Variants in ZNF207 observed in about 807,000 individuals in gnomAD.
The protein encoded by ZNF207 is BUB3-interacting and GLEBS motif-containing protein ZNF207.
Under a neutral mutation model 60.2 loss-of-function variants are expected in ZNF207, and 24 were observed. The observed-to-expected ratio is 0.40, with a 90% CI of 0.29 to 0.56. The LOEUF (loss-of-function observed/expected upper bound fraction) is 0.56. ZNF207 is among the 20% of genes least tolerant of loss of function. ZNF207 has a pLI of 0.49. For synonymous variants in ZNF207, 236 were observed against 194.7 expected, an observed-to-expected ratio of 1.21 and a Z score of -1.77; for missense variants, 452 against 636.6, an observed-to-expected ratio of 0.71 and a Z score of 3.12.
At position 32,376,742 on chromosome 17, in the gene ZNF207, AATGTTT is replaced by A. The variant is rs983173682; in HGVS notation, c.*6996_*7001del. 13 of 152,194 alleles carry A rather than the reference AATGTTT, an allele frequency of 8.5e-5. No homozygotes were observed. Among genetic ancestry groups the A allele is most frequent in the African/African-American group, 1.4e-4 (6 of 41,560 alleles). The allele number at this position is 152,194 out of a possible 1,614,324, so 9.4% of individuals were successfully genotyped here. A position where few individuals can be genotyped will look rare whatever the true frequency, so the allele number is the denominator to read the frequency against. ...TAAGAGGCATACAATCCGTTATGAG[AATGTTT>A]ATGTTTATGTTTTAATTTTTATCAA... On this transcript the variant is annotated 3_prime_UTR_variant, in exon 12 of 12. Transcript: ENST00000394670.
chr17:32,351,682 C>G, intron 1 of ZNF207, 104 bp from the exon 2 acceptor site: 1 of 1,606,540 alleles, frequency 6.2e-7, no homozygotes, highest in Non-Finnish European at 8.5e-7. Context: ...CTATACAGTA[C>G]CATTTTGGTT....
chr17:32,365,370 G>A lies in ZNF207; in HGVS notation c.711G>A (p.Met237Ile), dbSNP rs1713592419. 1.2e-6 allele frequency: 2 copies of A among 1,613,970 alleles called. No individual in the cohort carries two copies. The highest frequency in any genetic ancestry group is 2.7e-5 in the African/African-American group (2 of 75,006). ...PPVPRPGIPP[M>I]TQAQAVSAPG... is the part of the protein sequence containing the mutation. Reference sequence around the variant, plus strand: ...TTCCACGTCCTGGAATTCCTCCAATGACTCAAGCACAGGCTGTTTCAGCGC... The same window carrying A: ...TTCCACGTCCTGGAATTCCTCCAATAACTCAAGCACAGGCTGTTTCAGCGC... Residue 237 changes from methionine (M) to isoleucine (I), a missense_variant, in exon 8 of 12, where the codon ATG becomes ATA. By Grantham distance (10) the Met-to-Ile change is conservative. Around this residue, in one of 2 missense-constraint regions of ZNF207, gnomAD observed 390 missense variants for 461.4 expected, o/e 0.85. Transcript: ENST00000394670.
Position 32,373,499 on chromosome 17 carries a change from A to G in ZNF207, c.*3740A>G, listed in dbSNP as rs182511771. The G allele has an allele frequency of 1.6e-4, 79 of 509,274 alleles. 2 individuals are homozygous for G. In the Admixed American group the frequency reaches 2.6e-3, roughly 17 times the overall value. The allele number at this position is 509,274 out of a possible 1,614,324, so 31.5% of individuals were successfully genotyped here. ...TCCTTATAGGGGCTTTCACAGCTTT[A>G]TGGCTGTTGGATATTTATGTCCCCA... is the stretch of plus-strand genomic sequence containing the variant. On this transcript the variant is annotated 3_prime_UTR_variant, in exon 12 of 12. Transcript: ENST00000394670.
At chr17:32,366,602 C>T in intron 8 of ZNF207, 63 bp from the exon 9 acceptor site, 2 of 1,397,012 alleles carry the variant, frequency 1.4e-6, no homozygotes, top group Non-Finnish European at 1.9e-6. Context: ...AAGTCTACCA[C>T]ATGGCTTATT....
Position 32,374,212 on chromosome 17 carries a change from C to CTTTTTTGTTTTTTTTTTTTTTTT in ZNF207, c.*4459_*4460insGTTTTTTTTTTTTTTTTTTTTTT, listed in dbSNP as rs1905587643. ...ACCGCGCCTGGCCAAAATCTGCATTCTTTTTTTTTTTTTTTTTTTTTTTTT... is the reference window on the plus strand; with the variant it reads ...ACCGCGCCTGGCCAAAATCTGCATTCTTTTTTGTTTTTTTTTTTTTTTTTTTTTTTTTTTTTTTTTTTTTTTTT... On this transcript the variant is annotated 3_prime_UTR_variant, in exon 12 of 12. Coordinates refer to ENST00000394670, the MANE Select transcript of ZNF207 (RefSeq NM_001098507.2). 3.0e-5 allele frequency: 2 copies of CTTTTTTGTTTTTTTTTTTTTTTT among 66,224 alleles called. 1 individual carries two copies. The allele number at this position is 66,224 out of a possible 1,614,324, so 4.1% of individuals were successfully genotyped here.
chr17:32,358,236 ATGTT>A (rs1309995238), intron 2 of ZNF207, among the ~76,000 whole-genome samples: 1 of 152,216 alleles, frequency 6.6e-6, no homozygotes, highest in Non-Finnish European at 1.5e-5. Context: ...TGCTTACTGT[ATGTT>A]AGACATCTCG....
intron 2 of ZNF207, among the ~76,000 whole-genome samples, chr17:32,356,945 A>G (rs534707520): frequency 1.6e-4 from 24 of 152,270 alleles, no homozygotes; most frequent in African/African-American, 5.3e-4. Flanking sequence ...ACTTTAGGAC[A>G]CTGAGGTGGG....
Position 32,365,413 on chromosome 17 carries a change from C to T in ZNF207, c.754C>T (p.Pro252Ser). The change falls in exon 8 of 12, where the codon CCA becomes TCA. Residue 252 changes from proline (P) to serine (S), a missense_variant. Physicochemically the swap from Pro to Ser is moderately conservative, Grantham distance 74 (BLOSUM62 -1). Around this residue, in one of 2 missense-constraint regions of ZNF207, gnomAD observed 390 missense variants for 461.4 expected, o/e 0.85. Coordinates refer to ENST00000394670, the MANE Select transcript of ZNF207 (RefSeq NM_001098507.2). Reference protein sequence around the residue: ...AVSAPGILNRPPAPTATVPAP... With the variant: ...AVSAPGILNRSPAPTATVPAP... ...TTCAGCGCCAGGTATTCTTAATAGACCACCTGCACCAACAGCAACTGTACC... is the reference window on the plus strand; with the variant it reads ...TTCAGCGCCAGGTATTCTTAATAGATCACCTGCACCAACAGCAACTGTACC... The T allele has an allele frequency of 6.2e-7, 1 of 1,614,098 alleles. No homozygotes were observed. The highest frequency in any genetic ancestry group is 8.5e-7 in the Non-Finnish European group (1 of 1,180,004).
At chr17:32,364,223 C>T (rs1597784176) in intron 7 of ZNF207, among the ~76,000 whole-genome samples, 1 of 151,994 alleles carries the variant, frequency 6.6e-6, no homozygotes. Context: ...TCTTTAGCTC[C>T]TTACGTATTA....
intron 8 of ZNF207, among the ~76,000 whole-genome samples, chr17:32,365,964 C>T (rs1905143911): frequency 6.6e-6 from 1 of 152,126 alleles, no homozygotes; most frequent in South Asian, 2.1e-4. Context: ...GACCTAGGCA[C>T]ACTGGTATTT....
chr17:32,373,257 T>C lies in ZNF207; in HGVS notation c.*3498T>C. Reference sequence around the variant, plus strand: ...AAGAAGTACGGGCTCAGAGTGGAATTGTAGTGGACAATAGTTAAAAACAAA... The same window carrying C: ...AAGAAGTACGGGCTCAGAGTGGAATCGTAGTGGACAATAGTTAAAAACAAA... On this transcript the variant is annotated 3_prime_UTR_variant, in exon 12 of 12. Coordinates refer to ENST00000394670, the MANE Select transcript of ZNF207 (RefSeq NM_001098507.2). 1 of 480,340 alleles carries C rather than the reference T, an allele frequency of 2.1e-6. No individual in the cohort carries two copies. The highest frequency in any genetic ancestry group is 3.7e-6 in the Non-Finnish European group (1 of 268,878). 29.8% of individuals were successfully genotyped at this position (480,340 alleles called of 1,614,324 possible). A position where few individuals can be genotyped will look rare whatever the true frequency, so the allele number is the denominator to read the frequency against.
At chr17:32,358,384 G>A in intron 2 of ZNF207, 119 bp from the exon 3 acceptor site, 1 of 911,006 alleles carries the variant, frequency 1.1e-6, no homozygotes, top group East Asian at 3.3e-5. Context: ...TGGCAAAACT[G>A]GGAATTGGCT....
At chr17:32,358,861 C>G (rs1904697257) in intron 3 of ZNF207, among the ~76,000 whole-genome samples, 1 of 151,900 alleles carries the variant, frequency 6.6e-6, no homozygotes, top group African/African-American at 2.4e-5. Context: ...GTAGCATGAT[C>G]TCGGCTCATT....
intron 2 of ZNF207, among the ~76,000 whole-genome samples, chr17:32,357,658 A>T (rs1431541089): frequency 6.8e-6 from 1 of 146,536 alleles, no homozygotes; most frequent in Non-Finnish European, 1.5e-5. Flanking sequence ...TTTATTTTTT[A>T]TTTATTTTTT....
At position 32,380,734 on chromosome 17, in the gene ZNF207, A is replaced by T. The variant is rs1045821379; in HGVS notation, c.*10975A>T. 1 of 152,268 alleles carries T rather than the reference A, an allele frequency of 6.6e-6. No individual in the cohort carries two copies. Among genetic ancestry groups the T allele is most frequent in the Non-Finnish European group, 1.5e-5 (1 of 68,098 alleles). 9.4% of individuals were successfully genotyped at this position (152,268 alleles called of 1,614,324 possible). On this transcript the variant is annotated 3_prime_UTR_variant, in exon 12 of 12. Transcript: ENST00000394670. ...GGCTGGGCCCAGCTGAGGCGGGTGG[A>T]TCTCCTGAGGTCAGGAGTTTGAGAC...
rs1905806718 is a variant in ZNF207, at chr17:32,379,643, A to C, written c.*9884A>C. ...TGGTGATTCATGAGCAGTAAGCTGG[A>C]GTTAGAGTGGAAGAAGGGTTTACCA... On this transcript the variant is annotated 3_prime_UTR_variant, in exon 12 of 12. Coordinates refer to ENST00000394670, the MANE Select transcript of ZNF207 (RefSeq NM_001098507.2). The C allele has an allele frequency of 1.3e-5, 2 of 152,060 alleles. No individual in the cohort carries two copies. Among genetic ancestry groups the C allele is most frequent in the South Asian group, 4.1e-4 (2 of 4,832 alleles). The allele number at this position is 152,060 out of a possible 1,614,324, so 9.4% of individuals were successfully genotyped here.
Position 32,370,570 on chromosome 17 carries a change from C to T in ZNF207, c.*811C>T, listed in dbSNP as rs1348851708. The T allele has an allele frequency of 6.6e-6, 1 of 152,226 alleles. No homozygotes were observed. Among genetic ancestry groups the T allele is most frequent in the Admixed American group, 6.5e-5 (1 of 15,288 alleles). 9.4% of individuals were successfully genotyped at this position (152,226 alleles called of 1,614,324 possible). A position where few individuals can be genotyped will look rare whatever the true frequency, so the allele number is the denominator to read the frequency against. On this transcript the variant is annotated 3_prime_UTR_variant, in exon 12 of 12. Coordinates refer to ENST00000394670, the MANE Select transcript of ZNF207 (RefSeq NM_001098507.2). ...TCAGTTAAGAGAAAAACTTAAGATA[C>T]ATGAGTCATTACATAATGGGTATGA...
intron 1 of ZNF207, chr17:32,351,235 C>T (rs1283445326): frequency 5.7e-6 from 1 of 175,654 alleles, no homozygotes; most frequent in Non-Finnish European, 1.2e-5. Flanking sequence ...TTTTATTGAT[C>T]TGTGAATTTA....
chr17:32,360,580 ATTTT>A lies in ZNF207; in HGVS notation c.308-9_308-6del, dbSNP rs371637866. 3.4e-6 allele frequency: 4 copies of A among 1,171,902 alleles called. No homozygotes were observed. The highest frequency in any genetic ancestry group is 2.1e-4 in the Middle Eastern group (1 of 4,744). 72.6% of individuals were successfully genotyped at this position (1,171,902 alleles called of 1,614,324 possible). A position where few individuals can be genotyped will look rare whatever the true frequency, so the allele number is the denominator to read the frequency against. Reference sequence around the variant, plus strand: ...TCTTAGTTTTTACTCTATGGAAATAATTTTTTTTTTTTAACAGAAAGTCAAAAAA... The same window carrying A: ...TCTTAGTTTTTACTCTATGGAAATAATTTTTTTTAACAGAAAGTCAAAAAA... On this transcript the variant is annotated splice_polypyrimidine_tract_variant and intron_variant, in intron 3 of 11. Coordinates refer to ENST00000394670, the MANE Select transcript of ZNF207 (RefSeq NM_001098507.2).
Sources: allele counts gnomAD v4.1 joint callset (sites outside exome capture counted in the v4.1 genomes callset), GRCh38; gene constraint gnomAD v4.1.1; regional missense constraint gnomAD v4.1.1; transcripts MANE v1.5; gene names NCBI Gene and HGNC (gene_info 2026-07-23, HGNC 2026-07-21).